ZNF347: variants seen among roughly 807,000 people sequenced by gnomAD.
The protein encoded by ZNF347 is zinc finger protein 347.
ZNF347 carries 19 observed loss-of-function variants against 12.9 expected under a neutral mutation model. That is an observed-to-expected ratio of 1.47 (90% CI 1.03 to 2.16). The LOEUF (loss-of-function observed/expected upper bound fraction) is 2.16, where lower values mean the gene tolerates loss of function less well. Among genes scored for constraint, ZNF347 ranks in the 30% most tolerant of loss-of-function variants. ZNF347 has a pLI of 0.00. For missense variants in ZNF347, 1,005 were observed against 990.6 expected (o/e 1.01, Z -0.19); for synonymous variants, 328 against 340.6 (o/e 0.96, Z 0.41).
At position 53,135,022 on chromosome 19, in the gene ZNF347, C is replaced by T. The variant is rs755012217; in HGVS notation, c.*5286G>A. ...AACCATTTAAAAATTACAAGAGATA[C>T]TAACAAAATAGGTATAGATGGTGAG... On this transcript the variant is annotated 3_prime_UTR_variant, in exon 5 of 5. Coordinates refer to ENST00000334197, the MANE Select transcript of ZNF347 (RefSeq NM_032584.3). 1 of 151,964 alleles carries T rather than the reference C, an allele frequency of 6.6e-6. No homozygotes were observed. Among genetic ancestry groups the T allele is most frequent in the South Asian group, 2.1e-4 (1 of 4,828 alleles). The allele number at this position is 151,964 out of a possible 1,614,324, so 9.4% of individuals were successfully genotyped here.
At position 53,138,571 on chromosome 19, in the gene ZNF347, T is replaced by C. The variant is rs1356528471; in HGVS notation, c.*1737A>G. On this transcript the variant is annotated 3_prime_UTR_variant, in exon 5 of 5. Coordinates refer to ENST00000334197, the MANE Select transcript of ZNF347 (RefSeq NM_032584.3). Reference sequence around the variant, plus strand: ...AAGAGTATGAAAACTGCACTTTCTATGGGATTTTCATTATATCCATATAAA... The same window carrying C: ...AAGAGTATGAAAACTGCACTTTCTACGGGATTTTCATTATATCCATATAAA... The C allele has an allele frequency of 1.3e-5, 2 of 152,312 alleles. No homozygotes were observed. The highest frequency in any genetic ancestry group is 3.9e-4 in the East Asian group (2 of 5,188). The allele number at this position is 152,312 out of a possible 1,614,324, so 9.4% of individuals were successfully genotyped here.
chr19:53,140,172 T>A lies in ZNF347; in HGVS notation c.*136A>T. The A allele has an allele frequency of 2.3e-6, 2 of 880,572 alleles. No homozygotes were observed. The highest frequency in any genetic ancestry group is 1.8e-5 in the South Asian group (1 of 55,412). 54.5% of individuals were successfully genotyped at this position (880,572 alleles called of 1,614,324 possible). A position where few individuals can be genotyped will look rare whatever the true frequency, so the allele number is the denominator to read the frequency against. On this transcript the variant is annotated 3_prime_UTR_variant, in exon 5 of 5. Transcript: ENST00000334197. Reference sequence around the variant, plus strand: ...GCCTCGGACTCCCAAAGTGTTGGGATTACAGGCATGAGCCACTGCACCCAG... The same window carrying A: ...GCCTCGGACTCCCAAAGTGTTGGGAATACAGGCATGAGCCACTGCACCCAG...
At chr19:53,151,136 A>G in intron 2 of ZNF347, among the ~76,000 whole-genome samples, 1 of 152,238 alleles carries the variant, frequency 6.6e-6, no homozygotes, top group East Asian at 1.9e-4. Flanking sequence ...CTAGCAGATA[A>G]ATGTATATGA....
At chr19:53,156,058 G>GC (rs1568645480) in intron 1 of ZNF347, among the ~76,000 whole-genome samples, 1 of 128,016 alleles carries the variant, frequency 7.8e-6, no homozygotes, top group Non-Finnish European at 1.7e-5. Flanking sequence ...GGGGGGGGGG[G>GC]GGTTAGGCGG....
At position 53,135,170 on chromosome 19, in the gene ZNF347, CT is replaced by C. The variant is rs1428065766; in HGVS notation, c.*5137del. The C allele has an allele frequency of 6.6e-6, 1 of 151,820 alleles. No homozygotes were observed. The highest frequency in any genetic ancestry group is 1.5e-5 in the Non-Finnish European group (1 of 67,984). The allele number at this position is 151,820 out of a possible 1,614,324, so 9.4% of individuals were successfully genotyped here. A position where few individuals can be genotyped will look rare whatever the true frequency, so the allele number is the denominator to read the frequency against. On this transcript the variant is annotated 3_prime_UTR_variant, in exon 5 of 5. Transcript: ENST00000334197. ...CTTACTGAAATGTGACAAGATGAGT[CT>C]TTTAAAGCAGAATATGCTGAGATCT...
At chr19:53,153,375 G>T (rs929844245) in intron 2 of ZNF347, among the ~76,000 whole-genome samples, 1 of 152,096 alleles carries the variant, frequency 6.6e-6, no homozygotes, top group Non-Finnish European at 1.5e-5. Flanking sequence ...TGACTTCCAC[G>T]TGCAGCTGCT....
chr19:53,144,208 C>T (rs1366656051), intron 4 of ZNF347, among the ~76,000 whole-genome samples: 1 of 152,048 alleles, frequency 6.6e-6, no homozygotes, highest in Non-Finnish European at 1.5e-5. Context: ...ATAAAACATA[C>T]AGCTAACTAT....
Position 53,142,051 on chromosome 19 carries a change from G to A in ZNF347, c.777C>T (p.Ser259=). The part of the protein sequence containing the change: ...TQGQKANNWG[S]PYKSNGCGMV... ...TGCCACATCCATTAGATTTGTAAGG[G>A]CTTCCCCAATTATTTGCTTTTTGCC... Residue 259 remains serine, a synonymous_variant, in exon 5 of 5, where the codon AGC becomes AGT. Transcript: ENST00000334197. 1.4e-5 allele frequency: 22 copies of A among 1,613,698 alleles called. No homozygotes were observed. Among genetic ancestry groups the A allele is most frequent in the East Asian group, 2.2e-5 (1 of 44,872 alleles).
rs202223152 is a variant in ZNF347 at position 53,135,319 on chromosome 19, T to G, written c.*4989A>C. ...TTCTAAATATATATATATATATATATATATATATATATATATATATAGAGA... is the reference window on the plus strand; with the variant it reads ...TTCTAAATATATATATATATATATAGATATATATATATATATATATAGAGA... On this transcript the variant is annotated 3_prime_UTR_variant, in exon 5 of 5. Transcript: ENST00000334197. The G allele has an allele frequency of 1.2e-4, 7 of 56,128 alleles. No individual in the cohort carries two copies. In the East Asian group the frequency reaches 2.4e-3, roughly 19 times the overall value. The allele number at this position is 56,128 out of a possible 1,614,324, so 3.5% of individuals were successfully genotyped here.
At chr19:53,149,956 G>C (rs900721561) in intron 2 of ZNF347, among the ~76,000 whole-genome samples, 10 of 152,078 alleles carry the variant, frequency 6.6e-5, no homozygotes, top group African/African-American at 2.2e-4. Context: ...GCTTACATCT[G>C]GCTGTTCATC....
In ZNF347 at chr19:53,141,773, T is replaced by C. The variant is rs35989014; in HGVS notation, c.1055A>G (p.Lys352Arg). ...AAGGTGTGAATTCTGAGTGAAGACC[T>C]TGCCACATTCGTTACATTTATAAGG... is the stretch of plus-strand genomic sequence containing the variant. ...EKPYKCNECG[K>R]VFTQNSHLVR... Residue 352 changes from lysine to arginine, a missense_variant, in exon 5 of 5, where the codon AAG becomes AGG. Transcript: ENST00000334197. 2.0e-4 allele frequency: 324 copies of C among 1,613,732 alleles called. 1 individual carries two copies. In the African/African-American group the frequency reaches 3.9e-3, roughly 19 times the overall value.
At chr19:53,142,667 CTTATA>C in intron 4 of ZNF347, 111 bp from the exon 5 acceptor site, 1 of 800,196 alleles carries the variant, frequency 1.2e-6, no homozygotes, top group Non-Finnish European at 1.9e-6. Flanking sequence ...AAAAGCAATT[CTTATA>C]TTAAACAGAT....
intron 4 of ZNF347, among the ~76,000 whole-genome samples, chr19:53,144,678 C>A (rs1322678397): frequency 1.3e-5 from 2 of 152,122 alleles, no homozygotes; most frequent in Non-Finnish European, 2.9e-5. Context: ...AGGCTGTGGT[C>A]CATTGCCTAG....
intron 1 of ZNF347, among the ~76,000 whole-genome samples, chr19:53,158,458 A>T (rs998639250): frequency 1.3e-5 from 2 of 150,134 alleles, no homozygotes; most frequent in Non-Finnish European, 3.0e-5. Context: ...GGGCGGGAGG[A>T]GGGGTCAGGA....
intron 2 of ZNF347, among the ~76,000 whole-genome samples, chr19:53,150,948 C>T (rs1333952478): frequency 6.6e-6 from 1 of 152,176 alleles, no homozygotes; most frequent in Admixed American, 6.5e-5. Flanking sequence ...CCATGTTGAC[C>T]AGGCTAGTCT....
chr19:53,158,350 CG>C (rs1432276238), intron 1 of ZNF347, among the ~76,000 whole-genome samples: 1 of 152,130 alleles, frequency 6.6e-6, no homozygotes, highest in African/African-American at 2.4e-5. Context: ...TCGCCGGTAC[CG>C]GGGCTGAGGA....
At position 53,149,223 on chromosome 19, in the gene ZNF347, GAAGA is replaced by G. The variant is rs752855641; in HGVS notation, c.142+14_142+17del. ...ACACAGGGGCAGATCCTGACTTCTG[GAAGA>G]AAGTCATCCTCACCCAGGGAGGCCA... On this transcript the variant is annotated intron_variant, in intron 3 of 4. Coordinates refer to ENST00000334197, the MANE Select transcript of ZNF347 (RefSeq NM_032584.3). 1 of 1,610,540 alleles carries G rather than the reference GAAGA, an allele frequency of 6.2e-7. No homozygotes were observed. The highest frequency in any genetic ancestry group is 1.7e-5 in the Admixed American group (1 of 58,872).
At chr19:53,154,095 A>T (rs1211908154) in intron 1 of ZNF347, among the ~76,000 whole-genome samples, 1 of 152,132 alleles carries the variant, frequency 6.6e-6, no homozygotes, top group Non-Finnish European at 1.5e-5. Context: ...GAGCTCCCCC[A>T]TTCAGGGCAC....
At position 53,142,450 on chromosome 19, in the gene ZNF347, A is replaced by G; in HGVS notation, c.378T>C (p.Ile126=). 1.9e-6 allele frequency: 3 copies of G among 1,614,104 alleles called. No individual in the cohort carries two copies. In the South Asian group the frequency reaches 3.3e-5, roughly 18 times the overall value. ...VMLERQESQD[I]EGCSFREVQK... ...GGACTTCCCTGAAGGAACATCCTTC[A>G]ATGTCTTGGCTTTCCTGTCTTTCCA... The change falls in exon 5 of 5, where the codon ATT becomes ATC. Residue 126 remains isoleucine (I), a synonymous_variant. Transcript: ENST00000334197.
Sources: gnomAD v4.1 joint callset for allele counts (sites outside exome capture counted in the v4.1 genomes callset) on GRCh38, gnomAD v4.1.1 for gene constraint, MANE v1.5 for transcripts, NCBI Gene and HGNC (gene_info 2026-07-23, HGNC 2026-07-21) for gene names.